PAIP2: variants seen among roughly 807,000 people sequenced by gnomAD.
PAIP2 encodes the protein poly(A) binding protein interacting protein 2, also known as polyadenylate-binding protein-interacting protein 2.
PAIP2 carries 7 observed loss-of-function variants against 14.8 expected under a neutral mutation model. That is an observed-to-expected ratio of 0.47 (90% confidence interval 0.27 to 0.89). The LOEUF is 0.89. Among genes scored for constraint, PAIP2 ranks in the 40% least tolerant of loss-of-function variants. The probability of loss-of-function intolerance (pLI) is 0.13; values close to 1 mark genes in which losing one functional copy is unlikely to be tolerated. For missense variants in PAIP2, 122 were observed against 154.7 expected (o/e 0.79, Z 1.12); for synonymous variants, 47 against 45.3 (o/e 1.04, Z -0.15).
intron 1 of PAIP2, among the ~76,000 whole-genome samples, chr5:139,357,330 A>T (rs1056861726): frequency 6.6e-6 from 1 of 152,194 alleles, no homozygotes; most frequent in Non-Finnish European, 1.5e-5. Context: ...AGCTTTTCAA[A>T]GCTCTTACTC....
chr5:139,363,675 C>T, intron 1 of PAIP2, 84 bp from the exon 2 acceptor site: 2 of 1,235,504 alleles, frequency 1.6e-6, no homozygotes, highest in Non-Finnish European at 1.1e-6. Flanking sequence ...TGCACTCCAG[C>T]CTGGATGACG....
Position 139,367,865 on chromosome 5 carries a change from A to C in PAIP2, c.319-868A>C, listed in dbSNP as rs112134293. On this transcript the variant is annotated intron_variant, in intron 3 of 3. Coordinates refer to ENST00000265192, the MANE Select transcript of PAIP2 (RefSeq NM_016480.5). ...GTGAAGTTACTGGATTTCTGGTTAC[A>C]CTTAAGCAAACTGAATTTCAATTCC... Among the ~76,000 whole-genome samples the C allele has an allele frequency of 1.9e-3, 288 of 152,300 alleles. 1 individual carries two copies. The highest frequency in any genetic ancestry group is 2.8e-3 in the Non-Finnish European group (190 of 68,026).
chr5:139,342,537 T>TA (rs1756414496), intron 1 of PAIP2: 1 of 152,104 alleles, frequency 6.6e-6, no homozygotes, highest in South Asian at 2.1e-4. Context: ...GAAGATCGTC[T>TA]TTCTCCCGTT....
At chr5:139,345,624 G>T (rs1252042684) in intron 1 of PAIP2, among the ~76,000 whole-genome samples, 2 of 149,590 alleles carry the variant, frequency 1.3e-5, no homozygotes, top group Non-Finnish European at 3.0e-5. Flanking sequence ...AACTATGCTT[G>T]AATTTTTTTT....
chr5:139,357,415 A>G (rs1756947194), intron 1 of PAIP2, among the ~76,000 whole-genome samples: 1 of 152,136 alleles, frequency 6.6e-6, no homozygotes, highest in African/African-American at 2.4e-5. Context: ...TATTGCTACT[A>G]TATTTACCCT....
chr5:139,362,788 C>T lies in PAIP2; in HGVS notation c.-26-971C>T, dbSNP rs111625246. Among the ~76,000 whole-genome samples the T allele has an allele frequency of 1.0e-2, 1,520 of 152,144 alleles. 23 individuals carry two copies. Among genetic ancestry groups the T allele is most frequent in the African/African-American group, 0.035 (1,435 of 41,506 alleles). ...CTCCTGACCTTAAATGATCCACCTG[C>T]CCCCGCCTCCCAAAGTGCCGGGATT... is the stretch of plus-strand genomic sequence containing the variant. On this transcript the variant is annotated intron_variant, in intron 1 of 3. Transcript: ENST00000265192.
Position 139,369,114 on chromosome 5 carries a change from A to G in PAIP2, c.*316A>G. 1 of 203,666 alleles carries G rather than the reference A, an allele frequency of 4.9e-6. No individual in the cohort carries two copies. The highest frequency in any genetic ancestry group is 1.1e-4 in the East Asian group (1 of 9,286). The allele number at this position is 203,666 out of a possible 1,614,324, so 12.6% of individuals were successfully genotyped here. On this transcript the variant is annotated 3_prime_UTR_variant, in exon 4 of 4. Coordinates refer to ENST00000265192, the MANE Select transcript of PAIP2 (RefSeq NM_016480.5). ...AATTGTCTTTTTTTGAGGCTAATCT[A>G]TCACTTGTTAATGTCTAAACTTTAA... is the stretch of plus-strand genomic sequence containing the variant.
chr5:139,346,271 T>C (rs1027872454), intron 1 of PAIP2, among the ~76,000 whole-genome samples: 2 of 152,198 alleles, frequency 1.3e-5, no homozygotes, highest in Admixed American at 6.5e-5. Context: ...GAGACGGAGA[T>C]TTGCTCTGTC....
At chr5:139,359,435 G>A (rs1332403063) in intron 1 of PAIP2, among the ~76,000 whole-genome samples, 10 of 151,900 alleles carry the variant, frequency 6.6e-5, no homozygotes, top group Non-Finnish European at 7.4e-5. Context: ...CACAGTGCCC[G>A]GTGTGAAAAG....
At chr5:139,368,111 G>A (rs1278783669) in intron 3 of PAIP2, among the ~76,000 whole-genome samples, 4 of 152,070 alleles carry the variant, frequency 2.6e-5, no homozygotes, top group East Asian at 1.9e-4. Context: ...CAAGGCGGGC[G>A]GATCACGAGG....
chr5:139,347,020 G>A (rs1161991977), intron 1 of PAIP2, among the ~76,000 whole-genome samples: 1 of 151,948 alleles, frequency 6.6e-6, no homozygotes, highest in Admixed American at 6.6e-5. Flanking sequence ...GTTGGCCAGG[G>A]CCGGTCTCAA....
intron 2 of PAIP2, chr5:139,364,170 A>G (rs927447802): frequency 4.2e-6 from 2 of 476,438 alleles, no homozygotes; most frequent in Non-Finnish European, 7.4e-6. Context: ...AGCCTGGGAA[A>G]CTTTTTCAGA....
chr5:139,358,659 T>C (rs1377161531), intron 1 of PAIP2, among the ~76,000 whole-genome samples: 1 of 152,182 alleles, frequency 6.6e-6, no homozygotes, highest in Admixed American at 6.6e-5. Flanking sequence ...CTCTATACAA[T>C]GGAATATTGT....
At chr5:139,359,859 C>T (rs1254700959) in intron 1 of PAIP2, among the ~76,000 whole-genome samples, 1 of 151,604 alleles carries the variant, frequency 6.6e-6, no homozygotes. Context: ...GTAATCCCAG[C>T]TACACAGGAG....
At chr5:139,364,142 T>A (rs544055894) in intron 2 of PAIP2, 3 of 529,968 alleles carry the variant, frequency 5.7e-6, no homozygotes, top group Admixed American at 7.0e-5. Flanking sequence ...GATGTCTGAA[T>A]CAGGAGGATG....
At position 139,363,776 on chromosome 5, in the gene PAIP2, A is replaced by C. The variant is rs367802509; in HGVS notation, c.-9A>C. ...CTTTTAAGGTTAAAAACGACAACCAACATCAGCCATGAAAGATCCAAGTCG... is the reference window on the plus strand; with the variant it reads ...CTTTTAAGGTTAAAAACGACAACCACCATCAGCCATGAAAGATCCAAGTCG... On this transcript the variant is annotated 5_prime_UTR_variant, in exon 2 of 4. Transcript: ENST00000265192. 2 of 1,612,460 alleles carry C rather than the reference A, an allele frequency of 1.2e-6. No individual in the cohort carries two copies. The highest frequency in any genetic ancestry group is 1.7e-6 in the Non-Finnish European group (2 of 1,179,326).
chr5:139,368,636 T>G, intron 3 of PAIP2, 97 bp from the exon 4 acceptor site: 1 of 794,588 alleles, frequency 1.3e-6, no homozygotes, highest in Non-Finnish European at 2.1e-6. Flanking sequence ...TCTTTTGTCT[T>G]TTTTTTTTTG....
chr5:139,360,619 A>G (rs1046543835), intron 1 of PAIP2, among the ~76,000 whole-genome samples: 1 of 151,408 alleles, frequency 6.6e-6, no homozygotes, highest in African/African-American at 2.4e-5. Flanking sequence ...TGGCCTCCCA[A>G]GTAGCTGGGA....
At chr5:139,350,412 C>A (rs1756691867) in intron 1 of PAIP2, among the ~76,000 whole-genome samples, 1 of 152,004 alleles carries the variant, frequency 6.6e-6, no homozygotes, top group African/African-American at 2.4e-5. Flanking sequence ...GTGGGCGGAT[C>A]ATGAGGTCAG....
Sources: allele counts gnomAD v4.1 joint callset (sites outside exome capture counted in the v4.1 genomes callset), GRCh38; gene constraint gnomAD v4.1.1; transcripts MANE v1.5; gene names NCBI Gene and HGNC (gene_info 2026-07-23, HGNC 2026-07-21).